Variants in BAG4 observed in about 807,000 individuals in gnomAD.
BAG4 encodes the protein BAG family molecular chaperone regulator 4.
A neutral mutation model predicts 52.1 loss-of-function variants in BAG4; 28 were observed. The ratio of observed to expected loss-of-function variants is 0.54; its 90% CI spans 0.40 to 0.74. BAG4 has a LOEUF of 0.74. Among genes scored for constraint, BAG4 ranks in the 30% least tolerant of loss-of-function variants. BAG4 has a pLI of 0.00. For missense variants in BAG4, 525 were observed against 572.0 expected, an observed-to-expected ratio of 0.92 and a Z score of 0.84; for synonymous variants, 208 against 217.0, an observed-to-expected ratio of 0.96 and a Z score of 0.37.
intron 1 of BAG4, among the ~76,000 whole-genome samples, chr8:38,184,013 G>C (rs1265100228): frequency 6.6e-6 from 1 of 152,180 alleles, no homozygotes; most frequent in Non-Finnish European, 1.5e-5. Flanking sequence ...AACCACACTA[G>C]TTAGAATTTG....
intron 3 of BAG4, among the ~76,000 whole-genome samples, chr8:38,208,581 G>A (rs576019636): frequency 8.5e-5 from 13 of 152,296 alleles, no homozygotes; most frequent in African/African-American, 3.1e-4. Context: ...AAAGTGCTGG[G>A]ATTACAGGCG....
At chr8:38,201,849 TATATATATATATATATATATATA>T (rs1563283946) in intron 2 of BAG4, 8 of 6,354 alleles carry the variant, frequency 1.3e-3, no homozygotes, top group Non-Finnish European at 3.3e-3. Flanking sequence ...TATATATATA[TATATATATATATATATATATATA>T]TATATATATT....
At chr8:38,187,306 A>G (rs1314584348) in intron 1 of BAG4, among the ~76,000 whole-genome samples, 1 of 152,230 alleles carries the variant, frequency 6.6e-6, no homozygotes, top group Non-Finnish European at 1.5e-5. Flanking sequence ...TGAAAAGTAC[A>G]GTAACTAAAA....
intron 2 of BAG4, chr8:38,201,848 ATATATATATATATATATATATAT>A: frequency 1.9e-4 from 1 of 5,308 alleles, no homozygotes; most frequent in Non-Finnish European, 3.7e-4. Flanking sequence ...ATATATATAT[ATATATATATATATATATATATAT>A]ATATATATAT....
intron 1 of BAG4, among the ~76,000 whole-genome samples, chr8:38,191,518 G>C (rs1803473751): frequency 6.6e-6 from 1 of 152,142 alleles, no homozygotes; most frequent in Non-Finnish European, 1.5e-5. Flanking sequence ...CAGCACTTTG[G>C]GAAGCCAAGC....
intron 1 of BAG4, among the ~76,000 whole-genome samples, chr8:38,178,150 G>GT (rs913070746): frequency 2.0e-5 from 3 of 149,302 alleles, no homozygotes; most frequent in East Asian, 2.0e-4. Flanking sequence ...TAGAAATGTC[G>GT]TTTTTTTTGT....
At chr8:38,198,111 G>A (rs771084149) in intron 2 of BAG4, among the ~76,000 whole-genome samples, 8 of 151,968 alleles carry the variant, frequency 5.3e-5, no homozygotes, top group Admixed American at 3.3e-4. Flanking sequence ...GGGGCCGGGC[G>A]CGGTGGCTCA....
rs752844806 is a variant in BAG4 at position 38,210,564 on chromosome 8, C to T, written c.*71C>T. 2.2e-5 allele frequency: 32 copies of T among 1,487,472 alleles called. No homozygotes were observed. The highest frequency in any genetic ancestry group is 2.8e-5 in the Non-Finnish European group (31 of 1,115,962). 92.1% of individuals were successfully genotyped at this position (1,487,472 alleles called of 1,614,324 possible). A position where few individuals can be genotyped will look rare whatever the true frequency, so the allele number is the denominator to read the frequency against. ...AACACTTGATTTGGTTAATTACCCTCTTTTTGAAATGCCTGTTGATGACAA... is the reference window on the plus strand; with the variant it reads ...AACACTTGATTTGGTTAATTACCCTTTTTTTGAAATGCCTGTTGATGACAA... On this transcript the variant is annotated 3_prime_UTR_variant, in exon 5 of 5. Transcript: ENST00000287322.
At chr8:38,198,835 T>TA (rs1803612597) in intron 2 of BAG4, among the ~76,000 whole-genome samples, 1 of 152,264 alleles carries the variant, frequency 6.6e-6, no homozygotes, top group African/African-American at 2.4e-5. Context: ...GACGCAAACA[T>TA]ACATTAGCAT....
At chr8:38,205,366 T>C (rs1803753990) in intron 2 of BAG4, among the ~76,000 whole-genome samples, 1 of 152,054 alleles carries the variant, frequency 6.6e-6, no homozygotes, top group African/African-American at 2.4e-5. Flanking sequence ...ACAATAAAAT[T>C]TGAAGACTGA....
At chr8:38,180,291 G>A (rs1368039289) in intron 1 of BAG4, among the ~76,000 whole-genome samples, 8 of 152,014 alleles carry the variant, frequency 5.3e-5, no homozygotes, top group Non-Finnish European at 1.2e-4. Flanking sequence ...GGGAGGCTGA[G>A]GCAGGTGGAT....
intron 2 of BAG4, among the ~76,000 whole-genome samples, chr8:38,198,123 T>G (rs1008773377): frequency 1.3e-5 from 2 of 151,864 alleles, no homozygotes; most frequent in Non-Finnish European, 2.9e-5. Context: ...GGTGGCTCAC[T>G]CCTGTAATCC....
rs1199183247 is a variant in BAG4 at position 38,206,433 on chromosome 8, G to A, written c.379-1079G>A. ...TCTGAATAGGTTATTTAAAACTACA[G>A]TGAGCAATATATGAGGAGTTTGTTG... On this transcript the variant is annotated intron_variant, in intron 2 of 4. Transcript: ENST00000287322. Among the ~76,000 whole-genome samples the A allele has an allele frequency of 8.5e-5, 13 of 152,130 alleles. No individual in the cohort carries two copies. In the East Asian group the frequency reaches 2.5e-3, roughly 30 times the overall value.
chr8:38,200,956 T>A lies in BAG4; in HGVS notation c.379-6556T>A, dbSNP rs1803653307. Among the ~76,000 whole-genome samples the A allele has an allele frequency of 2.0e-5, 3 of 152,362 alleles. 1 individual carries two copies. In the South Asian group the frequency reaches 6.2e-4, roughly 32 times the overall value. On this transcript the variant is annotated intron_variant, in intron 2 of 4. Transcript: ENST00000287322. ...AGATCAGTTTGGAGAGTAGCATGTG[T>A]ACTTTTATAGTTAATGTAAGAGGGA...
intron 2 of BAG4, among the ~76,000 whole-genome samples, chr8:38,201,259 A>G (rs1803657960): frequency 1.3e-5 from 2 of 152,206 alleles, no homozygotes; most frequent in South Asian, 4.1e-4. Context: ...AGGTGAGCAC[A>G]TGTGTATTTT....
chr8:38,194,540 C>T (rs901218630), intron 2 of BAG4, among the ~76,000 whole-genome samples: 7 of 151,084 alleles, frequency 4.6e-5, no homozygotes, highest in East Asian at 2.0e-4. Context: ...CTCAGCCTCC[C>T]GAGTAGCTGG....
At chr8:38,181,825 T>C (rs1314749250) in intron 1 of BAG4, among the ~76,000 whole-genome samples, 1 of 121,548 alleles carries the variant, frequency 8.2e-6, no homozygotes, top group Non-Finnish European at 1.6e-5. Flanking sequence ...AGGGAGGCGG[T>C]GGTCGCAGTG....
At chr8:38,180,522 C>CAAAAAA (rs1161178024) in intron 1 of BAG4, among the ~76,000 whole-genome samples, 5 of 26,492 alleles carry the variant, frequency 1.9e-4, no homozygotes, top group African/African-American at 5.4e-4. Context: ...GACTCCGTCT[C>CAAAAAA]AAAAAAAAAA....
At chr8:38,197,831 C>T (rs887309269) in intron 2 of BAG4, among the ~76,000 whole-genome samples, 1 of 152,086 alleles carries the variant, frequency 6.6e-6, no homozygotes, top group African/African-American at 2.4e-5. Context: ...TCCCTAGTAG[C>T]TGGGACTACA....
Sources: gnomAD v4.1 joint callset for allele counts (sites outside exome capture counted in the v4.1 genomes callset) on GRCh38, gnomAD v4.1.1 for gene constraint, MANE v1.5 for transcripts, NCBI Gene and HGNC (gene_info 2026-07-23, HGNC 2026-07-21) for gene names.